CRTAC1: variants seen among roughly 807,000 people sequenced by gnomAD.
CRTAC1 encodes the protein cartilage acidic protein 1, also known as acidic secreted protein in cartilage.
CRTAC1 carries 37 observed loss-of-function variants against 67.8 expected under a neutral mutation model. That is an observed-to-expected ratio of 0.55 (90% CI 0.42 to 0.72). CRTAC1 has a LOEUF of 0.72. Among genes scored for constraint, CRTAC1 ranks in the 30% least tolerant of loss-of-function variants. The pLI is 0.00. For missense variants in CRTAC1, 780 were observed against 931.6 expected (o/e 0.84, Z 2.12); for synonymous variants, 348 against 371.0 (o/e 0.94, Z 0.71).
rs71007374 is a variant in CRTAC1 at position 98,029,491 on chromosome 10, AGCGGCGGCG to A, written c.24+949_24+957del. On this transcript the variant is annotated intron_variant, in intron 1 of 14. Coordinates refer to ENST00000370597, the MANE Select transcript of CRTAC1 (RefSeq NM_018058.7). This position sits in a 1 kb window ranked among gnomAD's most constrained non-coding sequence, Gnocchi z 4.7. ...ACTGGGTGCACCCACCAGCAGCAGC[AGCGGCGGCG>A]GCGGCGGCGGCGGCGGCGGCGGCGG... Among the ~76,000 whole-genome samples, 194 of 140,446 alleles carry A rather than the reference AGCGGCGGCG, an allele frequency of 1.4e-3. 2 individuals carry two copies. The highest frequency in any genetic ancestry group is 7.1e-3 in the Middle Eastern group (2 of 282). The allele number at this position is 140,446 out of a possible 152,430, so 92.1% of individuals were successfully genotyped here. A position where few individuals can be genotyped will look rare whatever the true frequency, so the allele number is the denominator to read the frequency against.
At position 97,895,123 on chromosome 10, in the gene CRTAC1, TG is replaced by T; in HGVS notation, c.1486+121del. On this transcript the variant is annotated intron_variant, in intron 11 of 14. Transcript: ENST00000370597. The surrounding 1 kb of genome is among the most constrained non-coding windows in gnomAD (Gnocchi z 4.2). ...CAGAGTAGGGTTTGTCCCCAGTAGCTGGTGTCCACCATGGCTGTCACAGTAG... is the reference window on the plus strand; with the variant it reads ...CAGAGTAGGGTTTGTCCCCAGTAGCTGTGTCCACCATGGCTGTCACAGTAG... 1.1e-6 allele frequency: 1 copy of T among 946,516 alleles called. No individual in the cohort carries two copies. The highest frequency in any genetic ancestry group is 1.6e-6 in the Non-Finnish European group (1 of 641,060). The allele number at this position is 946,516 out of a possible 1,614,324, so 58.6% of individuals were successfully genotyped here. A position where few individuals can be genotyped will look rare whatever the true frequency, so the allele number is the denominator to read the frequency against.
chr10:97,903,640 C>G (rs992250895), intron 7 of CRTAC1, among the ~76,000 whole-genome samples: 14 of 152,130 alleles, frequency 9.2e-5, no homozygotes, highest in Non-Finnish European at 4.4e-5. Flanking sequence ...AACCCTGGAA[C>G]TTTCCCATTT....
chr10:97,913,462 G>A (rs1010608893), intron 5 of CRTAC1, among the ~76,000 whole-genome samples: 3 of 152,182 alleles, frequency 2.0e-5, no homozygotes, highest in Admixed American at 6.5e-5. Flanking sequence ...AAGCCTGGGG[G>A]TGTAGCCTAG....
intron 3 of CRTAC1, 86 bp from the exon 4 acceptor site, chr10:97,923,486 A>G: frequency 6.5e-7 from 1 of 1,550,136 alleles, no homozygotes; most frequent in South Asian, 1.1e-5. Context: ...GGCACCTTTC[A>G]CAAGGTGGTT....
Position 97,945,871 on chromosome 10 carries a change from T to C in CRTAC1, c.225-9505A>G, listed in dbSNP as rs147906327. On this transcript the variant is annotated intron_variant, in intron 2 of 14. Coordinates refer to ENST00000370597, the MANE Select transcript of CRTAC1 (RefSeq NM_018058.7). ...GAATAATCTGCAGTGATGGTGTCTG[T>C]GTTCTGTAAAAACTCCACACAGACT... 6.6e-5 allele frequency among the ~76,000 whole-genome samples: 10 copies of C among 152,360 alleles called. No homozygotes were observed. The East Asian group carries it at 9.6e-4, about 15-fold the overall frequency.
chr10:97,892,711 C>T (rs1297328043), intron 11 of CRTAC1, among the ~76,000 whole-genome samples: 2 of 152,316 alleles, frequency 1.3e-5, no homozygotes, highest in Admixed American at 6.5e-5. Flanking sequence ...TGATAAGTGT[C>T]GGCTACTGCT....
chr10:97,878,443 G>T (rs1251767309), intron 14 of CRTAC1: 2 of 341,182 alleles, frequency 5.9e-6, no homozygotes, highest in South Asian at 3.8e-5. Flanking sequence ...TCAGAAAATG[G>T]CAGGGGCTTT....
intron 2 of CRTAC1, among the ~76,000 whole-genome samples, chr10:98,000,165 G>A (rs75407655): frequency 0.013 from 1,959 of 152,296 alleles, 67 homozygotes; most frequent in East Asian, 0.12. Flanking sequence ...CTTGGGACCT[G>A]GAGAATGGCA....
intron 2 of CRTAC1, among the ~76,000 whole-genome samples, chr10:97,984,799 G>A (rs375858391): frequency 7.2e-5 from 11 of 152,188 alleles, no homozygotes; most frequent in Non-Finnish European, 1.0e-4. Flanking sequence ...TCTGACTTAC[G>A]TGAAAAGGAA....
chr10:97,866,099 C>A, intron 14 of CRTAC1: 1 of 193,648 alleles, frequency 5.2e-6, no homozygotes, highest in Non-Finnish European at 1.1e-5. Context: ...ACCCCTCATC[C>A]CAAACCCATA....
intron 4 of CRTAC1, among the ~76,000 whole-genome samples, chr10:97,918,105 C>A (rs924597843): frequency 6.6e-6 from 1 of 152,180 alleles, no homozygotes; most frequent in Non-Finnish European, 1.5e-5. Context: ...AGATGACAAG[C>A]AAATTCCTGA....
At chr10:98,014,483 A>C (rs941978132) in intron 1 of CRTAC1, among the ~76,000 whole-genome samples, 12 of 152,182 alleles carry the variant, frequency 7.9e-5, no homozygotes, top group Non-Finnish European at 1.0e-4. Context: ...AAAATTAAAA[A>C]CTTTTGTACA....
At chr10:97,872,045 T>C (rs547740416) in intron 14 of CRTAC1, among the ~76,000 whole-genome samples, 116 of 152,292 alleles carry the variant, frequency 7.6e-4, no homozygotes, top group Non-Finnish European at 1.4e-3. Flanking sequence ...CGAGGGTCCT[T>C]TTCCCTGCTG....
intron 1 of CRTAC1, among the ~76,000 whole-genome samples, chr10:98,015,868 C>T (rs1332486591): frequency 6.6e-6 from 1 of 152,124 alleles, no homozygotes; most frequent in East Asian, 1.9e-4. Context: ...CATCGAATAC[C>T]AGGTTCCATA....
chr10:97,917,618 G>C lies in CRTAC1; in HGVS notation c.597C>G (p.Ala199=), dbSNP rs766524667. The C allele has an allele frequency of 6.3e-7, 1 of 1,597,396 alleles. No individual in the cohort carries two copies. Among genetic ancestry groups the C allele is most frequent in the Non-Finnish European group, 8.5e-7 (1 of 1,169,844 alleles). ...GRYSIYIANY[A]YGNVGPDALI... ...GGGCATCAGGGCCCACATTACCGTA[G>C]GCGTAATTGGCAATGTAGATAGAGT... Residue 199 remains alanine (A), a synonymous_variant, in exon 5 of 15, where the codon GCC becomes GCG. Transcript: ENST00000370597.
intron 1 of CRTAC1, among the ~76,000 whole-genome samples, chr10:98,023,716 C>T (rs181896025): frequency 0.011 from 1,663 of 152,290 alleles, 14 homozygotes; most frequent in Non-Finnish European, 0.017. Flanking sequence ...CCTCTGATTA[C>T]AGGGACTGAC....
At chr10:97,952,522 GA>G (rs1205522977) in intron 2 of CRTAC1, among the ~76,000 whole-genome samples, 1 of 88,520 alleles carries the variant, frequency 1.1e-5, no homozygotes, top group Admixed American at 1.5e-4. Context: ...TGGGAGAAAA[GA>G]GTGAAATTCC....
At chr10:97,915,661 A>G (rs1277618960) in intron 5 of CRTAC1, among the ~76,000 whole-genome samples, 2 of 151,140 alleles carry the variant, frequency 1.3e-5, no homozygotes, top group Non-Finnish European at 2.9e-5. Context: ...TTTTCCAGCC[A>G]GACGTCCATG....
In CRTAC1 at chr10:97,880,319, G is replaced by C. The variant is rs2050195706; in HGVS notation, c.1749C>G (p.Ser583Arg). The change falls in exon 14 of 15, where the codon AGC becomes AGG. Residue 583 changes from serine to arginine, a missense_variant. By Grantham distance (110) the Ser-to-Arg change is moderately radical. Transcript: ENST00000370597. ...ACTTCTTGTTGGTCCGGCACCTGTA[G>C]CTTCCATAGGTGTTGACACATACGG... ...DKPVCVNTYG[S>R]YRCRTNKKCS... is the part of the protein sequence containing the mutation. 1 of 1,614,218 alleles carries C rather than the reference G, an allele frequency of 6.2e-7. No individual in the cohort carries two copies. The highest frequency in any genetic ancestry group is 2.2e-5 in the East Asian group (1 of 44,886).
Sources: gnomAD v4.1 joint callset for allele counts (sites outside exome capture counted in the v4.1 genomes callset) on GRCh38, gnomAD v4.1.1 for gene constraint, Gnocchi (gnomAD v3.1) non-coding constraint, MANE v1.5 for transcripts, NCBI Gene and HGNC (gene_info 2026-07-23, HGNC 2026-07-21) for gene names.